SORCS2: variants seen among roughly 807,000 people sequenced by gnomAD.
The protein encoded by SORCS2 is VPS10 domain-containing receptor SorCS2.
SORCS2 carries 100 observed loss-of-function variants against 141.6 expected under a neutral mutation model. That is an observed-to-expected ratio of 0.71 (90% CI 0.60 to 0.83). SORCS2 has a LOEUF of 0.83. Among genes scored for constraint, SORCS2 ranks in the 40% least tolerant of loss-of-function variants. The pLI is 0.00. For synonymous variants in SORCS2, 789 were observed against 676.9 expected, an observed-to-expected ratio of 1.17 and a Z score of -2.57; for missense variants, 1,646 against 1,560.2, an observed-to-expected ratio of 1.05 and a Z score of -0.93.
intron 3 of SORCS2, among the ~76,000 whole-genome samples, chr4:7,625,655 A>G (rs1332091183): frequency 2.0e-5 from 3 of 148,006 alleles, no homozygotes; most frequent in Non-Finnish European, 4.6e-5. Context: ...ACTCTTCATT[A>G]ACCCTTACAG....
chr4:7,422,017 T>C (rs968953937), intron 2 of SORCS2, among the ~76,000 whole-genome samples: 3 of 152,128 alleles, frequency 2.0e-5, no homozygotes, highest in Admixed American at 6.5e-5. Context: ...TGGGAGGGGT[T>C]GAACCACACC....
intron 11 of SORCS2, among the ~76,000 whole-genome samples, chr4:7,693,300 C>T (rs1455172644): frequency 2.0e-5 from 3 of 152,198 alleles, no homozygotes; most frequent in Non-Finnish European, 4.4e-5. Flanking sequence ...TGCTCCACAC[C>T]TTCGGGGATC....
chr4:7,211,627 C>A lies in SORCS2; in HGVS notation c.480+18501C>A, dbSNP rs186382545. On this transcript the variant is annotated intron_variant, in intron 1 of 26. Coordinates refer to ENST00000507866, the MANE Select transcript of SORCS2 (RefSeq NM_020777.3). ...ATCTCAAGTGATCCCCCTGCCTCGG[C>A]CTCCCAAAGTGCTGGGATTACAGGT... 2.5e-3 allele frequency among the ~76,000 whole-genome samples: 377 copies of A among 152,308 alleles called. 15 individuals are homozygous for A. Among genetic ancestry groups the A allele is most frequent in the Admixed American group, 0.025 (375 of 15,302 alleles).
chr4:7,497,043 T>G (rs1489016884), intron 2 of SORCS2, among the ~76,000 whole-genome samples: 1 of 152,178 alleles, frequency 6.6e-6, no homozygotes. Context: ...ACAATAGTGT[T>G]GTGGATGGAT....
chr4:7,289,511 C>T (rs576447773), intron 1 of SORCS2, among the ~76,000 whole-genome samples: 3 of 152,320 alleles, frequency 2.0e-5, no homozygotes, highest in Non-Finnish European at 4.4e-5. Flanking sequence ...GTGCCTGGAA[C>T]AGTGCTGGAT....
rs563481523 is a variant in SORCS2 at position 7,483,366 on chromosome 4, G to A, written c.549-48164G>A. On this transcript the variant is annotated intron_variant, in intron 2 of 26. Coordinates refer to ENST00000507866, the MANE Select transcript of SORCS2 (RefSeq NM_020777.3). ...GACAGTGAGGAGAAAGCCACGTGAC[G>A]GATGAAGTGGGCAGAGAGTAGCGTG... Among the ~76,000 whole-genome samples the A allele has an allele frequency of 1.9e-3, 293 of 151,318 alleles. 1 individual carries two copies. Among genetic ancestry groups the A allele is most frequent in the Non-Finnish European group, 3.5e-3 (235 of 67,894 alleles).
chr4:7,675,815 C>T (rs980308190), intron 8 of SORCS2, among the ~76,000 whole-genome samples: 1 of 152,184 alleles, frequency 6.6e-6, no homozygotes, highest in African/African-American at 2.4e-5. Flanking sequence ...CGGCGTAGAG[C>T]ATCCCAACGC....
At chr4:7,328,409 T>A (rs1719424744) in intron 1 of SORCS2, among the ~76,000 whole-genome samples, 1 of 151,952 alleles carries the variant, frequency 6.6e-6, no homozygotes, top group African/African-American at 2.4e-5. Context: ...TGTGACCATT[T>A]CCATTTGCAG....
intron 3 of SORCS2, among the ~76,000 whole-genome samples, chr4:7,549,416 G>A (rs1236330420): frequency 6.6e-6 from 1 of 151,684 alleles, no homozygotes; most frequent in Non-Finnish European, 1.5e-5. Flanking sequence ...ATGTGGTGGG[G>A]CATTGGGTGG....
At chr4:7,292,291 C>T (rs1322784660) in intron 1 of SORCS2, among the ~76,000 whole-genome samples, 4 of 150,962 alleles carry the variant, frequency 2.6e-5, no homozygotes, top group Admixed American at 6.6e-5. Context: ...CCCCACCATT[C>T]GCAGTCTGTT....
At chr4:7,662,842 C>T (rs917988980) in intron 6 of SORCS2, among the ~76,000 whole-genome samples, 8 of 152,220 alleles carry the variant, frequency 5.3e-5, no homozygotes, top group African/African-American at 1.7e-4. Context: ...CTATACCCAG[C>T]GCACAACCCA....
chr4:7,555,950 C>A (rs1714073195), intron 3 of SORCS2, among the ~76,000 whole-genome samples: 1 of 152,226 alleles, frequency 6.6e-6, no homozygotes, highest in Admixed American at 6.5e-5. Context: ...GCCCACTAGT[C>A]CAGCACAGGG....
chr4:7,376,831 A>G (rs763933158), intron 1 of SORCS2, among the ~76,000 whole-genome samples: 5 of 152,214 alleles, frequency 3.3e-5, no homozygotes, highest in African/African-American at 4.8e-5. Context: ...TTCCCAAAAC[A>G]GCAGGCATTT....
chr4:7,388,624 C>T (rs1723642292), intron 1 of SORCS2, among the ~76,000 whole-genome samples: 2 of 152,076 alleles, frequency 1.3e-5, no homozygotes, highest in Non-Finnish European at 2.9e-5. Context: ...CATGTTTCTT[C>T]AAGCAGAGGT....
intron 3 of SORCS2, among the ~76,000 whole-genome samples, chr4:7,600,019 A>G (rs1717554247): frequency 6.6e-6 from 1 of 151,876 alleles, no homozygotes; most frequent in African/African-American, 2.4e-5. Context: ...ACAGGGTTTC[A>G]TCATGTTGAC....
At position 7,679,107 on chromosome 4, in the gene SORCS2, G is replaced by C. The variant is rs367555347; in HGVS notation, c.1341+2878G>C. 1.5e-4 allele frequency among the ~76,000 whole-genome samples: 22 copies of C among 145,220 alleles called. No homozygotes were observed. The East Asian group carries it at 3.6e-3, about 24-fold the overall frequency. On this transcript the variant is annotated intron_variant, in intron 9 of 26. Transcript: ENST00000507866. ...CAGTACTGTTGCTGTCGTGGTTGTTGTGCACCCAGCAGCACATCCAGGAAA... is the reference window on the plus strand; with the variant it reads ...CAGTACTGTTGCTGTCGTGGTTGTTCTGCACCCAGCAGCACATCCAGGAAA...
intron 3 of SORCS2, among the ~76,000 whole-genome samples, chr4:7,595,823 G>A (rs1401064441): frequency 6.6e-6 from 1 of 152,108 alleles, no homozygotes; most frequent in Non-Finnish European, 1.5e-5. Flanking sequence ...TGTTTCTCAA[G>A]CACTTTCTAG....
chr4:7,493,329 C>A (rs979881118), intron 2 of SORCS2, among the ~76,000 whole-genome samples: 1 of 152,118 alleles, frequency 6.6e-6, no homozygotes, highest in Non-Finnish European at 1.5e-5. Flanking sequence ...GATGGGTTGG[C>A]GAATCCCATG....
chr4:7,271,113 C>G (rs1715094198), intron 1 of SORCS2, among the ~76,000 whole-genome samples: 1 of 152,222 alleles, frequency 6.6e-6, no homozygotes, highest in African/African-American at 2.4e-5. Flanking sequence ...GTAGGTGGTA[C>G]TTGGACAACC....
Sources: allele counts gnomAD v4.1 joint callset (sites outside exome capture counted in the v4.1 genomes callset), GRCh38; gene constraint gnomAD v4.1.1; transcripts MANE v1.5; gene names NCBI Gene and HGNC (gene_info 2026-07-23, HGNC 2026-07-21).